Variants in SHLD2 observed in about 807,000 individuals in gnomAD.
SHLD2 encodes RINN1-REV7-interacting novel NHEJ regulator 2.
A neutral mutation model predicts 73.2 loss-of-function variants in SHLD2; 30 were observed. That is an observed-to-expected ratio of 0.41 (90% CI 0.31 to 0.56). The LOEUF (loss-of-function observed/expected upper bound fraction) is 0.56. Ranked by LOEUF, SHLD2 falls within the 20% of genes least tolerant of loss-of-function variation. The probability of loss-of-function intolerance (pLI) is 0.28; values close to 1 mark genes in which losing one functional copy is unlikely to be tolerated. For synonymous variants in SHLD2, 285 were observed against 370.1 expected, an observed-to-expected ratio of 0.77 and a Z score of 2.64; for missense variants, 745 against 1,055.9, an observed-to-expected ratio of 0.71 and a Z score of 4.08.
At chr10:87,145,293 C>T (rs1845526578) in intron 2 of SHLD2, among the ~76,000 whole-genome samples, 1 of 152,052 alleles carries the variant, frequency 6.6e-6, no homozygotes, top group Non-Finnish European at 1.5e-5. Flanking sequence ...ACTATGATAG[C>T]AAATTGAATT....
chr10:87,094,649 G>A, upstream of SHLD2: 1 of 1,597,768 alleles, frequency 6.3e-7, no homozygotes, highest in Non-Finnish European at 8.5e-7. The surrounding 1 kb of genome is among the most constrained non-coding windows in gnomAD (Gnocchi z 6.6). Context: ...CCCGGCTGCG[G>A]GGCGGCGGCG....
chr10:87,189,447 A>G (rs1249527969), intron 9 of SHLD2, among the ~76,000 whole-genome samples: 1 of 152,268 alleles, frequency 6.6e-6, no homozygotes, highest in Non-Finnish European at 1.5e-5. Flanking sequence ...ATCATAAGTC[A>G]AAATGTCATT....
intron 2 of SHLD2, among the ~76,000 whole-genome samples, chr10:87,146,686 C>T (rs1845635823): frequency 6.6e-6 from 1 of 151,892 alleles, no homozygotes; most frequent in Non-Finnish European, 1.5e-5. Flanking sequence ...TCCATTGTGG[C>T]CCAGGGAAGC....
chr10:87,184,565 T>G (rs1194028361), intron 8 of SHLD2, among the ~76,000 whole-genome samples: 2 of 152,074 alleles, frequency 1.3e-5, no homozygotes, highest in Admixed American at 1.3e-4. Context: ...CCTCCTCCCC[T>G]TTATTCTCTA....
At chr10:87,099,502 C>T (rs112936162) in intron 2 of SHLD2, among the ~76,000 whole-genome samples, 4,610 of 152,216 alleles carry the variant, frequency 0.03, 250 homozygotes, top group African/African-American at 0.1. Context: ...TACTTCATTT[C>T]TTGTTATGGC....
intron 2 of SHLD2, among the ~76,000 whole-genome samples, chr10:87,141,408 T>C (rs1845187934): frequency 6.6e-6 from 1 of 150,544 alleles, no homozygotes; most frequent in Non-Finnish European, 1.5e-5. Flanking sequence ...TGGCATAGTC[T>C]CGGCTCACTG....
intron 2 of SHLD2, among the ~76,000 whole-genome samples, chr10:87,144,940 T>A (rs1282230252): frequency 5.2e-5 from 4 of 76,392 alleles, no homozygotes; most frequent in Non-Finnish European, 1.1e-4. Context: ...TGTAATTCTT[T>A]TTTTTTTTTT....
chr10:87,132,785 G>GAAACAAAACA (rs565912869), intron 2 of SHLD2, among the ~76,000 whole-genome samples: 4 of 150,976 alleles, frequency 2.6e-5, no homozygotes, highest in African/African-American at 7.3e-5. Flanking sequence ...AAAACAAAAC[G>GAAACAAAACA]AAACAAAACA....
intron 3 of SHLD2, among the ~76,000 whole-genome samples, chr10:87,153,561 A>C (rs868417474): frequency 6.6e-6 from 1 of 152,228 alleles, no homozygotes; most frequent in Non-Finnish European, 1.5e-5. Context: ...ATAACCACCA[A>C]TAGAGTTCTA....
At chr10:87,136,344 T>C (rs1360291053) in intron 2 of SHLD2, among the ~76,000 whole-genome samples, 1 of 151,572 alleles carries the variant, frequency 6.6e-6, no homozygotes, top group East Asian at 1.9e-4. Context: ...TAGTATATGC[T>C]TTAGTATATG....
intron 2 of SHLD2, among the ~76,000 whole-genome samples, chr10:87,120,251 TTTATTTA>T: frequency 6.8e-6 from 1 of 147,280 alleles, no homozygotes; most frequent in African/African-American, 2.6e-5. Flanking sequence ...TATTTATTTA[TTTATTTA>T]TTTTTTTGAG....
At chr10:87,190,385 A>G in intron 9 of SHLD2, 99 bp from the exon 10 acceptor site, 1 of 1,008,780 alleles carries the variant, frequency 9.9e-7, no homozygotes, top group South Asian at 1.3e-5. Flanking sequence ...AATGGGTTTG[A>G]GACTTGAGGA....
intron 3 of SHLD2, among the ~76,000 whole-genome samples, chr10:87,155,026 C>T (rs1846304475): frequency 6.6e-6 from 1 of 152,140 alleles, no homozygotes; most frequent in African/African-American, 2.4e-5. Context: ...GCTCCGCCTC[C>T]CGGGTTCACG....
chr10:87,190,095 G>A (rs184294285), intron 9 of SHLD2, among the ~76,000 whole-genome samples: 52 of 152,330 alleles, frequency 3.4e-4, no homozygotes, highest in Admixed American at 1.4e-3. Flanking sequence ...GTCTTGCTCT[G>A]TTGCCCAGGC....
chr10:87,133,382 T>C (rs1269469459), intron 2 of SHLD2, among the ~76,000 whole-genome samples: 2 of 152,004 alleles, frequency 1.3e-5, no homozygotes, highest in Non-Finnish European at 2.9e-5. Flanking sequence ...TTTTTCCTTC[T>C]TACTTATTTC....
At chr10:87,099,955 C>G (rs904291213) in intron 2 of SHLD2, among the ~76,000 whole-genome samples, 2 of 151,868 alleles carry the variant, frequency 1.3e-5, no homozygotes, top group Non-Finnish European at 2.9e-5. Flanking sequence ...ATTTTTAAGT[C>G]AGGTTGTCTT....
chr10:87,124,749 T>TG (rs953108177), intron 2 of SHLD2, among the ~76,000 whole-genome samples: 3 of 72,766 alleles, frequency 4.1e-5, no homozygotes, highest in Non-Finnish European at 8.4e-5. Flanking sequence ...AAAAATTGTT[T>TG]TTTTTTTTTT....
intron 2 of SHLD2, among the ~76,000 whole-genome samples, chr10:87,101,722 A>G (rs1221344582): frequency 1.3e-5 from 2 of 152,216 alleles, no homozygotes; most frequent in Admixed American, 6.5e-5. Context: ...CAGCCTGGCC[A>G]TCACAGAGAA....
intron 9 of SHLD2, among the ~76,000 whole-genome samples, chr10:87,187,442 A>G (rs1442312206): frequency 6.6e-6 from 1 of 152,210 alleles, no homozygotes; most frequent in African/African-American, 2.4e-5. Flanking sequence ...CCTGTTGGTA[A>G]GCAAAAACTA....
Sources: gnomAD v4.1 joint callset for allele counts (sites outside exome capture counted in the v4.1 genomes callset) on GRCh38, gnomAD v4.1.1 for gene constraint, Gnocchi (gnomAD v3.1) non-coding constraint, MANE v1.5 for transcripts, NCBI Gene and HGNC (gene_info 2026-07-23, HGNC 2026-07-21) for gene names.